Variants in EPB41L2 observed in about 807,000 individuals in gnomAD.
EPB41L2 encodes the protein erythrocyte membrane protein band 4.1 like 2, also known as band 4.1-like protein 2.
Under a neutral mutation model 113.0 loss-of-function variants are expected in EPB41L2, and 43 were observed. That is an observed-to-expected ratio of 0.38 (90% CI 0.30 to 0.49). The LOEUF (loss-of-function observed/expected upper bound fraction) is 0.49. EPB41L2 is among the 20% of genes least tolerant of loss of function. EPB41L2 has a pLI of 0.95. For synonymous variants in EPB41L2, 442 were observed against 436.7 expected, an observed-to-expected ratio of 1.01 and a Z score of -0.15; for missense variants, 1,147 against 1,223.4, an observed-to-expected ratio of 0.94 and a Z score of 0.93.
chr6:130,921,952 T>TAA (rs1803008305), intron 4 of EPB41L2, among the ~76,000 whole-genome samples: 1 of 152,192 alleles, frequency 6.6e-6, no homozygotes, highest in African/African-American at 2.4e-5. Flanking sequence ...GCACAGCCCA[T>TAA]AACATCCTTC....
At chr6:130,923,171 C>T (rs1331808797) in intron 4 of EPB41L2, among the ~76,000 whole-genome samples, 2 of 152,162 alleles carry the variant, frequency 1.3e-5, no homozygotes, top group Non-Finnish European at 2.9e-5. Context: ...CTTCCTCATT[C>T]TCTCTTCAAT....
At chr6:130,969,587 G>A (rs1776252448) in intron 1 of EPB41L2, among the ~76,000 whole-genome samples, 1 of 151,992 alleles carries the variant, frequency 6.6e-6, no homozygotes, top group Non-Finnish European at 1.5e-5. Context: ...TATTTACTTA[G>A]GGTGTGACAA....
intron 19 of EPB41L2, among the ~76,000 whole-genome samples, chr6:130,854,517 A>G (rs562534251): frequency 6.6e-6 from 1 of 152,322 alleles, no homozygotes; most frequent in Admixed American, 6.5e-5. Flanking sequence ...ATAAGGTGCT[A>G]GGAATAAGTG....
At chr6:130,945,518 A>G (rs1812508743) in intron 3 of EPB41L2, among the ~76,000 whole-genome samples, 1 of 152,208 alleles carries the variant, frequency 6.6e-6, no homozygotes, top group Non-Finnish European at 1.5e-5. Context: ...ATGTGGGAAC[A>G]ACTTTGAGAT....
chr6:130,906,852 C>T (rs1172600648), intron 5 of EPB41L2, among the ~76,000 whole-genome samples: 1 of 152,126 alleles, frequency 6.6e-6, no homozygotes, highest in Non-Finnish European at 1.5e-5. Context: ...CCTCAGCCTG[C>T]TTTCATGATG....
intron 17 of EPB41L2, 30 bp from the exon 18 acceptor site, chr6:130,863,748 A>G (rs1782866221): frequency 1.3e-6 from 2 of 1,512,260 alleles, no homozygotes; most frequent in Non-Finnish European, 1.8e-6. Flanking sequence ...AGAAGAAAAA[A>G]CAGCAATCAC....
chr6:130,961,193 G>A (rs1242995854), intron 1 of EPB41L2, among the ~76,000 whole-genome samples: 1 of 152,180 alleles, frequency 6.6e-6, no homozygotes, highest in Non-Finnish European at 1.5e-5. Context: ...AATACATTAA[G>A]TAATGATCTT....
At chr6:130,953,313 G>A (rs530745418) in intron 3 of EPB41L2, among the ~76,000 whole-genome samples, 2 of 152,210 alleles carry the variant, frequency 1.3e-5, no homozygotes, top group Admixed American at 1.3e-4. Context: ...GGCAAACAAA[G>A]TGTTAAAAAG....
chr6:130,884,126 G>C (rs1423681187), intron 12 of EPB41L2, among the ~76,000 whole-genome samples: 1 of 152,168 alleles, frequency 6.6e-6, no homozygotes, highest in Non-Finnish European at 1.5e-5. Flanking sequence ...CTTGAGGTCA[G>C]GAGTTCAAGA....
chr6:130,906,462 T>TA (rs1234917066), intron 5 of EPB41L2, among the ~76,000 whole-genome samples: 2 of 152,232 alleles, frequency 1.3e-5, no homozygotes, highest in Non-Finnish European at 2.9e-5. Context: ...TGAGAGCACT[T>TA]AAAATCTACT....
intron 1 of EPB41L2, among the ~76,000 whole-genome samples, chr6:130,957,924 G>A (rs899687788): frequency 2.0e-5 from 3 of 152,188 alleles, no homozygotes; most frequent in Non-Finnish European, 4.4e-5. Context: ...CCACTGGATT[G>A]TATACTTTAA....
chr6:130,984,538 C>T (rs1359025338), intron 1 of EPB41L2, among the ~76,000 whole-genome samples: 1 of 152,152 alleles, frequency 6.6e-6, no homozygotes, highest in Non-Finnish European at 1.5e-5. Flanking sequence ...TCTTATGGGA[C>T]CTCCATCCTA....
In EPB41L2 at chr6:130,869,868, T is replaced by C. The variant is rs1785069113; in HGVS notation, c.2302A>G (p.Arg768Gly). ...PHHRVTEGTI[R>G]EEQEYEEEVE... ...TCTTCTTCATACTCCTGTTCCTCCCTGATGGTGCCCTCGGTCACTCGGTGG... is the reference window on the plus strand; with the variant it reads ...TCTTCTTCATACTCCTGTTCCTCCCCGATGGTGCCCTCGGTCACTCGGTGG... Residue 768 changes from arginine (R) to glycine (G), a missense_variant, in exon 15 of 20, where the codon AGG becomes GGG. By Grantham distance (125) the Arg-to-Gly change is moderately radical (BLOSUM62 -2). Transcript: ENST00000337057. 13 of 1,613,392 alleles carry C rather than the reference T, an allele frequency of 8.1e-6. No homozygotes were observed. The East Asian group carries it at 2.9e-4, about 36-fold the overall frequency.
intron 19 of EPB41L2, among the ~76,000 whole-genome samples, chr6:130,854,703 C>T (rs1779708148): frequency 6.6e-6 from 1 of 152,208 alleles, no homozygotes; most frequent in African/African-American, 2.4e-5. Context: ...ATAACACTCA[C>T]TTTTCTCATT....
intron 1 of EPB41L2, among the ~76,000 whole-genome samples, chr6:130,990,939 G>A (rs1562677462): frequency 6.6e-6 from 1 of 150,938 alleles, no homozygotes; most frequent in Non-Finnish European, 1.5e-5. Flanking sequence ...CAATTCTCCT[G>A]CCTCAGCCTC....
At chr6:130,864,546 A>G (rs1300093919) in intron 17 of EPB41L2, among the ~76,000 whole-genome samples, 1 of 152,182 alleles carries the variant, frequency 6.6e-6, no homozygotes, top group African/African-American at 2.4e-5. Flanking sequence ...GAGGCTGAGG[A>G]GATCATCTGG....
intron 1 of EPB41L2, among the ~76,000 whole-genome samples, chr6:131,026,152 G>A (rs1037643669): frequency 3.9e-5 from 6 of 152,164 alleles, no homozygotes; most frequent in African/African-American, 1.4e-4. Flanking sequence ...GACAGGCAAG[G>A]GCAGGGACTA....
chr6:131,023,439 C>T (rs992091297), intron 1 of EPB41L2, among the ~76,000 whole-genome samples: 2 of 152,134 alleles, frequency 1.3e-5, no homozygotes, highest in African/African-American at 2.4e-5. Context: ...AATCCCAGCA[C>T]TTTGGGAGGC....
At chr6:131,038,978 ATTTTT>A (rs909018076) in intron 1 of EPB41L2, among the ~76,000 whole-genome samples, 1 of 151,570 alleles carries the variant, frequency 6.6e-6, no homozygotes, top group Admixed American at 6.6e-5. Context: ...CAAAACCAAC[ATTTTT>A]TTTTAAGTGT....
Sources: gnomAD v4.1 joint callset for allele counts (sites outside exome capture counted in the v4.1 genomes callset) on GRCh38, gnomAD v4.1.1 for gene constraint, MANE v1.5 for transcripts, NCBI Gene and HGNC (gene_info 2026-07-23, HGNC 2026-07-21) for gene names.